Variants in CISD2 observed in about 807,000 individuals in gnomAD.
The protein encoded by CISD2 is CDGSH iron sulfur domain 2, also known as CDGSH iron-sulfur domain-containing protein 2.
A neutral mutation model predicts 12.9 loss-of-function variants in CISD2; 1 was observed. The ratio of observed to expected loss-of-function variants is 0.08; its 90% CI spans 0.03 to 0.37. The LOEUF (loss-of-function observed/expected upper bound fraction) is 0.37, where lower values mean the gene tolerates loss of function less well. Ranked by LOEUF, CISD2 falls within the 10% of genes least tolerant of loss-of-function variation. The probability of loss-of-function intolerance (pLI) is 0.99; values close to 1 mark genes in which losing one functional copy is unlikely to be tolerated. For synonymous variants in CISD2, 50 were observed against 60.6 expected (o/e 0.83, Z 0.81); for missense variants, 97 against 163.1 (o/e 0.59, Z 2.21).
At chr4:102,869,752 T>G (rs1733377496) in intron 1 of CISD2, among the ~76,000 whole-genome samples, 1 of 152,168 alleles carries the variant, frequency 6.6e-6, no homozygotes, top group South Asian at 2.1e-4. Flanking sequence ...TGAGGTCATC[T>G]CCGTTTCTAC....
chr4:102,887,724 A>G lies in CISD2; in HGVS notation c.*294A>G, dbSNP rs964154969. The G allele has an allele frequency of 1.4e-5, 3 of 214,602 alleles. No individual in the cohort carries two copies. Among genetic ancestry groups the G allele is most frequent in the South Asian group, 1.9e-4 (2 of 10,354 alleles). 13.3% of individuals were successfully genotyped at this position (214,602 alleles called of 1,614,324 possible). A position where few individuals can be genotyped will look rare whatever the true frequency, so the allele number is the denominator to read the frequency against. ...AAGCTGTTTGTTTCTTTGAATATCA[A>G]TATTTTCAACAGGATCTTGTATTTA... On this transcript the variant is annotated 3_prime_UTR_variant, in exon 3 of 3. Transcript: ENST00000273986.
intron 1 of CISD2, among the ~76,000 whole-genome samples, chr4:102,880,998 A>T (rs1319641504): frequency 6.6e-6 from 1 of 152,162 alleles, no homozygotes; most frequent in Non-Finnish European, 1.5e-5. Flanking sequence ...CTCAAAAAAA[A>T]AAAAAAAAAA....
chr4:102,871,630 TCGGTCTCCC>T (rs1733451961), intron 1 of CISD2, among the ~76,000 whole-genome samples: 1 of 152,194 alleles, frequency 6.6e-6, no homozygotes, highest in Non-Finnish European at 1.5e-5. Flanking sequence ...TTTTCCACTC[TCGGTCTCCC>T]ATTCTGAATA....
At chr4:102,875,745 C>T (rs562571097) in intron 1 of CISD2, among the ~76,000 whole-genome samples, 2 of 152,254 alleles carry the variant, frequency 1.3e-5, no homozygotes, top group East Asian at 1.9e-4. Flanking sequence ...AAATATTTAC[C>T]TAACTATATA....
Position 102,885,209 on chromosome 4 carries a change from T to C in CISD2, c.104-7T>C, listed in dbSNP as rs760499330. On this transcript the variant is annotated splice_region_variant and splice_polypyrimidine_tract_variant and intron_variant, in intron 1 of 2. Transcript: ENST00000273986. Reference sequence around the variant, plus strand: ...CACTGCAGATTCTGACACATCTACATGTTTAGTTTCAGAATGGCTTCGGTT... The same window carrying C: ...CACTGCAGATTCTGACACATCTACACGTTTAGTTTCAGAATGGCTTCGGTT... 2.5e-6 allele frequency: 4 copies of C among 1,610,432 alleles called. No individual in the cohort carries two copies. The African/African-American group carries it at 4.0e-5, about 16-fold the overall frequency.
intron 1 of CISD2, among the ~76,000 whole-genome samples, chr4:102,872,457 T>A (rs1440150361): frequency 2.6e-5 from 4 of 152,196 alleles, no homozygotes; most frequent in Admixed American, 6.5e-5. Context: ...ATAATTTCTG[T>A]GTTTAGCTAC....
chr4:102,888,833 G>C lies in CISD2; in HGVS notation c.*1403G>C, dbSNP rs1287568182. ...GAGTTACCATTTAACTCCCTTCACT[G>C]AGTGCGTTTCTGAGACCTTGCTAGG... On this transcript the variant is annotated 3_prime_UTR_variant, in exon 3 of 3. Coordinates refer to ENST00000273986, the MANE Select transcript of CISD2 (RefSeq NM_001008388.5). 1 of 152,240 alleles carries C rather than the reference G, an allele frequency of 6.6e-6. No individual in the cohort carries two copies. Among genetic ancestry groups the C allele is most frequent in the African/African-American group, 2.4e-5 (1 of 41,464 alleles). 9.4% of individuals were successfully genotyped at this position (152,240 alleles called of 1,614,324 possible).
Position 102,880,982 on chromosome 4 carries a change from C to T in CISD2, c.104-4234C>T, listed in dbSNP as rs568367270. ...CTCCAGCCTGGGAAACAGAGCGAGA[C>T]GCTGTCTCAAAAAAAAAAAAAAAAA... On this transcript the variant is annotated intron_variant, in intron 1 of 2. Transcript: ENST00000273986. 8.2e-5 allele frequency among the ~76,000 whole-genome samples: 12 copies of T among 147,162 alleles called. No homozygotes were observed. In the South Asian group the frequency reaches 1.3e-3, roughly 16 times the overall value.
At chr4:102,878,133 G>T (rs993677003) in intron 1 of CISD2, among the ~76,000 whole-genome samples, 4 of 147,292 alleles carry the variant, frequency 2.7e-5, no homozygotes, top group Admixed American at 2.0e-4. Context: ...TCTTTTTTTT[G>T]GGGGGGCGGG....
At chr4:102,873,752 G>T (rs1019945248) in intron 1 of CISD2, among the ~76,000 whole-genome samples, 1 of 145,406 alleles carries the variant, frequency 6.9e-6, no homozygotes, top group Non-Finnish European at 1.5e-5. Context: ...AAAAAAAAGG[G>T]ATGTAAAAGT....
At chr4:102,878,029 T>C (rs1733630795) in intron 1 of CISD2, among the ~76,000 whole-genome samples, 1 of 152,176 alleles carries the variant, frequency 6.6e-6, no homozygotes, top group African/African-American at 2.4e-5. Context: ...CCTGGAGACA[T>C]TTTCCCCATT....
Position 102,888,321 on chromosome 4 carries a change from T to C in CISD2, c.*891T>C, listed in dbSNP as rs1432834200. The C allele has an allele frequency of 2.0e-5, 3 of 152,186 alleles. No individual in the cohort carries two copies. Among genetic ancestry groups the C allele is most frequent in the Non-Finnish European group, 2.9e-5 (2 of 68,038 alleles). The allele number at this position is 152,186 out of a possible 1,614,324, so 9.4% of individuals were successfully genotyped here. On this transcript the variant is annotated 3_prime_UTR_variant, in exon 3 of 3. Transcript: ENST00000273986. ...GGGACTGGTTCCAGGGCCACACATA[T>C]ACCAAAATCTGCCCATACTCAAGTC...
chr4:102,868,995 G>T lies in CISD2; in HGVS notation c.-90G>T. 1.1e-5 allele frequency: 15 copies of T among 1,426,876 alleles called. No individual in the cohort carries two copies. The highest frequency in any genetic ancestry group is 1.5e-5 in the African/African-American group (1 of 67,438). 88.4% of individuals were successfully genotyped at this position (1,426,876 alleles called of 1,614,324 possible). ...CGCCGCCCAGGCCGAGGCCGCCAGT[G>T]CCCGCCGGCCGCTTCCGCTCCCGGC... On this transcript the variant is annotated 5_prime_UTR_variant, in exon 1 of 3. Coordinates refer to ENST00000273986, the MANE Select transcript of CISD2 (RefSeq NM_001008388.5).
At position 102,891,274 on chromosome 4, in the gene CISD2, G is replaced by A. The variant is rs528226646; in HGVS notation, c.*3844G>A. On this transcript the variant is annotated 3_prime_UTR_variant, in exon 3 of 3. Transcript: ENST00000273986. ...TTCACATTGAATTCTAACAAGTTTG[G>A]TTATCTGATTTCTGCTTCTTAACAA... The A allele has an allele frequency of 1.3e-5, 2 of 152,236 alleles. No individual in the cohort carries two copies. Among genetic ancestry groups the A allele is most frequent in the Non-Finnish European group, 2.9e-5 (2 of 68,006 alleles). The allele number at this position is 152,236 out of a possible 1,614,324, so 9.4% of individuals were successfully genotyped here. A position where few individuals can be genotyped will look rare whatever the true frequency, so the allele number is the denominator to read the frequency against.
chr4:102,892,393 T>C lies in CISD2; in HGVS notation c.*4963T>C, dbSNP rs546649729. 3 of 152,328 alleles carry C rather than the reference T, an allele frequency of 2.0e-5. No individual in the cohort carries two copies. The East Asian group carries it at 5.8e-4, about 29-fold the overall frequency. The allele number at this position is 152,328 out of a possible 1,614,324, so 9.4% of individuals were successfully genotyped here. A position where few individuals can be genotyped will look rare whatever the true frequency, so the allele number is the denominator to read the frequency against. ...TTTGCAGAAATCCAATTTAGTAAAGTCATGTTGTAGCAAGCATCACTTTAA... is the reference window on the plus strand; with the variant it reads ...TTTGCAGAAATCCAATTTAGTAAAGCCATGTTGTAGCAAGCATCACTTTAA... On this transcript the variant is annotated 3_prime_UTR_variant, in exon 3 of 3. Coordinates refer to ENST00000273986, the MANE Select transcript of CISD2 (RefSeq NM_001008388.5).
intron 1 of CISD2, chr4:102,869,483 T>C (rs1302169664): frequency 2.8e-6 from 2 of 702,646 alleles, no homozygotes; most frequent in Middle Eastern, 2.3e-4. Context: ...GGCCAGTCTC[T>C]TTCATCTCCT....
intron 1 of CISD2, chr4:102,874,409 C>T (rs1187023081): frequency 6.6e-6 from 1 of 152,124 alleles, no homozygotes; most frequent in Non-Finnish European, 1.5e-5. Flanking sequence ...CAGCCATATC[C>T]CAAACCTCAG....
In CISD2 at chr4:102,890,909, T is replaced by G. The variant is rs1734217299; in HGVS notation, c.*3479T>G. On this transcript the variant is annotated 3_prime_UTR_variant, in exon 3 of 3. Transcript: ENST00000273986. ...ATTGTGGCAGAAATCAGTACGAAGT[T>G]CGTAGGACAGGAGGAAACCAATATA... The G allele has an allele frequency of 6.7e-6, 1 of 148,548 alleles. No individual in the cohort carries two copies. Among genetic ancestry groups the G allele is most frequent in the Non-Finnish European group, 1.5e-5 (1 of 67,770 alleles). 9.2% of individuals were successfully genotyped at this position (148,548 alleles called of 1,614,324 possible).
chr4:102,869,039 C>T lies in CISD2; in HGVS notation c.-46C>T, dbSNP rs1479870803. The T allele has an allele frequency of 5.1e-6, 8 of 1,572,904 alleles. No homozygotes were observed. The highest frequency in any genetic ancestry group is 6.0e-6 in the Non-Finnish European group (7 of 1,160,708). On this transcript the variant is annotated 5_prime_UTR_variant, in exon 1 of 3. Coordinates refer to ENST00000273986, the MANE Select transcript of CISD2 (RefSeq NM_001008388.5). ...TCCCGGCGCAGGCGCGGCAGCTTGG[C>T]CAGAGCGGAGGGGGCTCGGGAGAGG...
Sources: allele counts gnomAD v4.1 joint callset (sites outside exome capture counted in the v4.1 genomes callset), GRCh38; gene constraint gnomAD v4.1.1; transcripts MANE v1.5; gene names NCBI Gene and HGNC (gene_info 2026-07-23, HGNC 2026-07-21).